Variants in PGAP1 observed in about 807,000 individuals in gnomAD.
PGAP1 encodes post-GPI attachment to proteins inositol deacylase 1.
PGAP1 carries 76 observed loss-of-function variants against 127.0 expected under a neutral mutation model. That is an observed-to-expected ratio of 0.60 (90% CI 0.50 to 0.72). The LOEUF is 0.72. Ranked by LOEUF, PGAP1 falls within the 30% of genes least tolerant of loss-of-function variation. The probability of loss-of-function intolerance (pLI) is 0.00; values close to 1 mark genes in which losing one functional copy is unlikely to be tolerated. For missense variants in PGAP1, 982 were observed against 1,071.3 expected, an observed-to-expected ratio of 0.92 and a Z score of 1.16; for synonymous variants, 362 against 366.5, an observed-to-expected ratio of 0.99 and a Z score of 0.14.
chr2:196,855,051 G>A (rs907188393), intron 20 of PGAP1, among the ~76,000 whole-genome samples: 2 of 151,228 alleles, frequency 1.3e-5, no homozygotes, highest in Non-Finnish European at 2.9e-5. Context: ...AGCAGGGCAC[G>A]GTGGCTCACG....
At position 196,844,818 on chromosome 2, in the gene PGAP1, T is replaced by A. The variant is rs149499690; in HGVS notation, c.2287-244A>T. ...AAAAACGGAAACAGAAACAAAACAA[T>A]ACAAACTTCTGGAGTATGGTGGGGC... On this transcript the variant is annotated intron_variant, in intron 23 of 26. Coordinates refer to ENST00000354764, the MANE Select transcript of PGAP1 (RefSeq NM_024989.4). Among the ~76,000 whole-genome samples, 163 of 151,912 alleles carry A rather than the reference T, an allele frequency of 1.1e-3. No homozygotes were observed. The East Asian group carries it at 0.019, about 18-fold the overall frequency.
At chr2:196,917,650 T>C (rs1703061147) in intron 2 of PGAP1, among the ~76,000 whole-genome samples, 1 of 152,218 alleles carries the variant, frequency 6.6e-6, no homozygotes, top group South Asian at 2.1e-4. Flanking sequence ...GGTTCACCCA[T>C]GTTGTGACAT....
At chr2:196,868,768 C>T (rs1388768913) in intron 19 of PGAP1, among the ~76,000 whole-genome samples, 1 of 152,112 alleles carries the variant, frequency 6.6e-6, no homozygotes, top group Non-Finnish European at 1.5e-5. Flanking sequence ...GAAAAGTTAT[C>T]TATTGAAGGC....
chr2:196,856,255 C>G (rs1435005962), intron 20 of PGAP1, among the ~76,000 whole-genome samples: 2 of 152,042 alleles, frequency 1.3e-5, no homozygotes, highest in Non-Finnish European at 2.9e-5. Context: ...GACCTCAGGT[C>G]ATCAACCTGC....
chr2:196,920,154 C>A lies in PGAP1; in HGVS notation c.148-4G>T. 6.3e-7 allele frequency: 1 copy of A among 1,590,550 alleles called. No individual in the cohort carries two copies. The highest frequency in any genetic ancestry group is 8.5e-7 in the Non-Finnish European group (1 of 1,171,044). On this transcript the variant is annotated splice_polypyrimidine_tract_variant and splice_region_variant and intron_variant, in intron 1 of 26. Coordinates refer to ENST00000354764, the MANE Select transcript of PGAP1 (RefSeq NM_024989.4). ...GTTTCTTTGGAAGTTCTATTTTCTA[C>A]ATTTAAAAAAAAGTAGTTTCACTTT...
rs587777378 is a variant in PGAP1 at position 196,912,939 on chromosome 2, TAAG to T, written c.589_591del (p.Leu197del). 9.9e-6 allele frequency: 16 copies of T among 1,613,762 alleles called. No individual in the cohort carries two copies. The highest frequency in any genetic ancestry group is 1.3e-5 in the African/African-American group (1 of 74,920). On this transcript the variant is annotated inframe_deletion, in exon 4 of 27. Transcript: ENST00000354764. The stretch of plus-strand genomic sequence containing the variant: ...GCAACATGAGGTGTGGCTTGTGTAA[TAAG>T]AAGATTTATCAGATCATGCTTAAAA...
rs556328783 is a variant in PGAP1 at position 196,884,038 on chromosome 2, T to C, written c.1272+1386A>G. On this transcript the variant is annotated intron_variant, in intron 12 of 26. Transcript: ENST00000354764. ...CAACATAGGGACCTATTGTTTGATA[T>C]AGAGACTGATTAATCTTTGGAGATT... Among the ~76,000 whole-genome samples, 12 of 152,326 alleles carry C rather than the reference T, an allele frequency of 7.9e-5. 1 individual carries two copies. The highest frequency in any genetic ancestry group is 6.5e-4 in the Admixed American group (10 of 15,296).
intron 4 of PGAP1, among the ~76,000 whole-genome samples, chr2:196,906,757 G>A (rs1237670666): frequency 5.3e-5 from 1 of 18,970 alleles, no homozygotes; most frequent in African/African-American, 2.1e-4. Flanking sequence ...AGTGCTTAAA[G>A]GAGCTGATGG....
At chr2:196,873,788 G>A (rs1701477050) in intron 14 of PGAP1, 30 bp from the exon 15 acceptor site, 1 of 1,426,042 alleles carries the variant, frequency 7.0e-7, no homozygotes, top group Non-Finnish European at 9.8e-7. Flanking sequence ...GTATTACTTA[G>A]AATATCAAGG....
At chr2:196,905,783 A>C (rs1017873192) in intron 4 of PGAP1, among the ~76,000 whole-genome samples, 2 of 143,628 alleles carry the variant, frequency 1.4e-5, no homozygotes, top group Non-Finnish European at 3.0e-5. Flanking sequence ...GCATTGCCTC[A>C]CCTGGGAAGC....
chr2:196,858,144 G>A (rs983323820), intron 20 of PGAP1, among the ~76,000 whole-genome samples: 1 of 152,110 alleles, frequency 6.6e-6, no homozygotes, highest in Non-Finnish European at 1.5e-5. Flanking sequence ...GCTCACGCCT[G>A]TAATCCCAGC....
chr2:196,881,118 G>A (rs1265136961), intron 12 of PGAP1, among the ~76,000 whole-genome samples: 1 of 152,120 alleles, frequency 6.6e-6, no homozygotes, highest in African/African-American at 2.4e-5. Flanking sequence ...AGAAGATGCA[G>A]CATTTGGTTT....
At chr2:196,875,950 C>T in intron 13 of PGAP1, 129 bp from the exon 14 acceptor site, 1 of 548,432 alleles carries the variant, frequency 1.8e-6, no homozygotes, top group Non-Finnish European at 3.3e-6. Flanking sequence ...ATCTATTACA[C>T]TATAATTCTG....
chr2:196,885,712 A>G (rs2125812378), intron 11 of PGAP1, 122 bp downstream of exon 11: 1 of 728,722 alleles, frequency 1.4e-6, no homozygotes, highest in Non-Finnish European at 2.0e-6. Flanking sequence ...TCATTTTAAA[A>G]ACAATATTAT....
intron 24 of PGAP1, among the ~76,000 whole-genome samples, 197 bp from the exon 25 acceptor site, chr2:196,844,272 T>C (rs1476746407): frequency 6.6e-6 from 1 of 152,160 alleles, no homozygotes; most frequent in African/African-American, 2.4e-5. Context: ...CTAGTTCTAC[T>C]GCTAAGAATA....
At chr2:196,878,489 C>A (rs1357662914) in intron 13 of PGAP1, among the ~76,000 whole-genome samples, 1 of 152,074 alleles carries the variant, frequency 6.6e-6, no homozygotes, top group Non-Finnish European at 1.5e-5. Context: ...AGTATCCCCA[C>A]CTGTCAGAAA....
In PGAP1 at chr2:196,920,040, A is replaced by G. The variant is rs1361420446; in HGVS notation, c.258T>C (p.Ile86=). 5.6e-6 allele frequency: 9 copies of G among 1,613,030 alleles called. No homozygotes were observed. The highest frequency in any genetic ancestry group is 6.8e-6 in the Non-Finnish European group (8 of 1,179,458). ...EEHKILPLTG[I]PVLFLPGNAG... ...CATTACCAGGAAGAAAGAGAACTGG[A>G]ATACCCGTCAAAGGGAGAATTTTGT... Residue 86 remains isoleucine, a synonymous_variant, in exon 2 of 27, where the codon ATT becomes ATC. Transcript: ENST00000354764.
At chr2:196,847,260 T>A in intron 21 of PGAP1, 60 bp from the exon 22 acceptor site, 2 of 1,283,538 alleles carry the variant, frequency 1.6e-6, no homozygotes, top group Non-Finnish European at 1.1e-6. Flanking sequence ...AAGGACTTAA[T>A]ATTTGAGGTG....
intron 13 of PGAP1, among the ~76,000 whole-genome samples, chr2:196,877,418 C>T (rs1316980231): frequency 6.6e-6 from 1 of 152,072 alleles, no homozygotes; most frequent in East Asian, 1.9e-4. Flanking sequence ...GTAGAGTCAG[C>T]AGTGTTACTT....
Sources: allele counts gnomAD v4.1 joint callset (sites outside exome capture counted in the v4.1 genomes callset), GRCh38; gene constraint gnomAD v4.1.1; transcripts MANE v1.5; gene names NCBI Gene and HGNC (gene_info 2026-07-23, HGNC 2026-07-21).